The following SKI variants were observed in gnomAD, a reference collection of about 807,000 sequenced individuals.
The protein encoded by SKI is ski oncogene.
Under a neutral mutation model 59.3 loss-of-function variants are expected in SKI, and 23 were observed. The ratio of observed to expected loss-of-function variants is 0.39; its 90% CI spans 0.28 to 0.55. The LOEUF is 0.55. Among genes scored for constraint, SKI ranks in the 20% least tolerant of loss-of-function variants. The pLI is 0.67. For missense variants in SKI, 1,017 were observed against 1,038.9 expected (o/e 0.98, Z 0.29); for synonymous variants, 673 against 488.6 (o/e 1.38, Z -4.98).
At chr1:2,290,820 T>C (rs1282526566) in intron 1 of SKI, among the ~76,000 whole-genome samples, 4 of 152,208 alleles carry the variant, frequency 2.6e-5, no homozygotes, top group Non-Finnish European at 4.4e-5. Flanking sequence ...CTGCCGCTCT[T>C]ACGAAACACT....
At position 2,267,157 on chromosome 1, in the gene SKI, G is replaced by A. The variant is rs1434725872; in HGVS notation, c.970-35821G>A. 6.6e-6 allele frequency among the ~76,000 whole-genome samples: 1 copy of A among 152,130 alleles called. No homozygotes were observed. The highest frequency in any genetic ancestry group is 1.5e-5 in the Non-Finnish European group (1 of 68,024). ...GTGCCATGATTTTGACTATTCAGGC[G>A]AGCAACTGCATCGAGCCAGCACTGA... is the stretch of plus-strand genomic sequence containing the variant. On this transcript the variant is annotated intron_variant, in intron 1 of 6. Coordinates refer to ENST00000378536, the MANE Select transcript of SKI (RefSeq NM_003036.4). The surrounding 1 kb of genome is among the most constrained non-coding windows in gnomAD (Gnocchi z 4.1).
At chr1:2,286,399 G>A (rs116675756) in intron 1 of SKI, among the ~76,000 whole-genome samples, 235 of 152,220 alleles carry the variant, frequency 1.5e-3, no homozygotes, top group African/African-American at 5.5e-3. Flanking sequence ...AGGCTGAGAG[G>A]GGAGGATCAC....
chr1:2,289,416 T>G (rs952606891), intron 1 of SKI, among the ~76,000 whole-genome samples: 1 of 151,260 alleles, frequency 6.6e-6, no homozygotes, highest in African/African-American at 2.4e-5. Context: ...GTGAGGCCCC[T>G]CCTCTAAGAT....
intron 1 of SKI, among the ~76,000 whole-genome samples, chr1:2,288,885 G>C (rs766969173): frequency 8.4e-4 from 128 of 152,196 alleles, no homozygotes; most frequent in Non-Finnish European, 1.3e-3. Flanking sequence ...CCACGTGTGT[G>C]AGGCCTGCAG....
chr1:2,240,174 AC>A (rs1191694396), intron 1 of SKI, among the ~76,000 whole-genome samples: 1 of 152,166 alleles, frequency 6.6e-6, no homozygotes, highest in Non-Finnish European at 1.5e-5. Context: ...GGTGGCCCCC[AC>A]CACAGAGGCT....
At chr1:2,295,621 C>CTG (rs750592673) in intron 1 of SKI, among the ~76,000 whole-genome samples, 8 of 151,314 alleles carry the variant, frequency 5.3e-5, no homozygotes, top group Non-Finnish European at 1.0e-4. Flanking sequence ...AGCCACGTGA[C>CTG]TGTGTGTGTG....
intron 1 of SKI, among the ~76,000 whole-genome samples, chr1:2,266,731 C>A (rs1244770728): frequency 6.6e-6 from 1 of 152,140 alleles, no homozygotes; most frequent in African/African-American, 2.4e-5. Flanking sequence ...CATCAGCCAC[C>A]CCGTTCATCC....
intron 1 of SKI, among the ~76,000 whole-genome samples, chr1:2,284,722 G>T (rs1298039402): frequency 6.6e-6 from 1 of 152,194 alleles, no homozygotes; most frequent in Non-Finnish European, 1.5e-5. Context: ...GGGTGGCTGG[G>T]AGGGCTCCAG....
At position 2,237,323 on chromosome 1, in the gene SKI, A is replaced by T. The variant is rs1442586191; in HGVS notation, c.969+7588A>T. Among the ~76,000 whole-genome samples, 3 of 152,164 alleles carry T rather than the reference A, an allele frequency of 2.0e-5. 1 individual carries two copies. ...GCCCTGTGTGTATCTGGAGTGGCTTAGGTGCTCCCTGCGGTGCTCCTGGCT... is the reference window on the plus strand; with the variant it reads ...GCCCTGTGTGTATCTGGAGTGGCTTTGGTGCTCCCTGCGGTGCTCCTGGCT... On this transcript the variant is annotated intron_variant, in intron 1 of 6. Coordinates refer to ENST00000378536, the MANE Select transcript of SKI (RefSeq NM_003036.4).
At position 2,269,759 on chromosome 1, in the gene SKI, A is replaced by G. The variant is rs972679546; in HGVS notation, c.970-33219A>G. Among the ~76,000 whole-genome samples the G allele has an allele frequency of 2.0e-5, 3 of 149,488 alleles. No individual in the cohort carries two copies. In the East Asian group the frequency reaches 6.0e-4, roughly 30 times the overall value. The stretch of plus-strand genomic sequence containing the variant: ...GCAGGAGGCTGCTTCAGGGCTCTGG[A>G]CCAGAGCAGTGTGTGGCTGGTGGTA... On this transcript the variant is annotated intron_variant, in intron 1 of 6. Coordinates refer to ENST00000378536, the MANE Select transcript of SKI (RefSeq NM_003036.4). The surrounding 1 kb of genome is among the most constrained non-coding windows in gnomAD (Gnocchi z 4.7).
chr1:2,304,531 G>T lies in SKI; in HGVS notation c.1713G>T (p.Val571=). The change falls in exon 5 of 7, where the codon GTG becomes GTT. Residue 571 remains valine (V), a synonymous_variant. Transcript: ENST00000378536. ...KFLHEVVKMR[V]KQEEKLSAAL... Reference sequence around the variant, plus strand: ...TGCATGAGGTGGTCAAGATGCGCGTGAAGCAGGAGGAGAAGCTCAGCGCAG... The same window carrying T: ...TGCATGAGGTGGTCAAGATGCGCGTTAAGCAGGAGGAGAAGCTCAGCGCAG... The T allele has an allele frequency of 6.3e-7, 1 of 1,580,186 alleles. No homozygotes were observed. The highest frequency in any genetic ancestry group is 8.6e-7 in the Non-Finnish European group (1 of 1,164,454).
chr1:2,269,194 G>T lies in SKI; in HGVS notation c.970-33784G>T, dbSNP rs1188159682. ...ACTCCTGGGCTCAAGCGATCCTCCT[G>T]CTTCAGCCTCCCAAAGTGTTGGGAT... On this transcript the variant is annotated intron_variant, in intron 1 of 6. Coordinates refer to ENST00000378536, the MANE Select transcript of SKI (RefSeq NM_003036.4). This position sits in a 1 kb window ranked among gnomAD's most constrained non-coding sequence, Gnocchi z 4.7. Among the ~76,000 whole-genome samples, 4 of 152,194 alleles carry T rather than the reference G, an allele frequency of 2.6e-5. No homozygotes were observed. The East Asian group carries it at 7.7e-4, about 29-fold the overall frequency.
At chr1:2,291,410 A>G (rs970574507) in intron 1 of SKI, among the ~76,000 whole-genome samples, 1 of 152,004 alleles carries the variant, frequency 6.6e-6, no homozygotes, top group African/African-American at 2.4e-5. Context: ...GGGGAGGGTG[A>G]GAAGAGTGGG....
intron 1 of SKI, among the ~76,000 whole-genome samples, chr1:2,243,068 C>G (rs1422852143): frequency 1.3e-5 from 2 of 152,264 alleles, no homozygotes; most frequent in Non-Finnish European, 2.9e-5. Flanking sequence ...TCCCCACCTG[C>G]CCTGCTCTGC....
In SKI at chr1:2,303,385, C is replaced by T. The variant is rs141862996; in HGVS notation, c.1196C>T (p.Ala399Val). 3.0e-4 allele frequency: 477 copies of T among 1,613,072 alleles called. 4 individuals are homozygous for T. In the African/African-American group the frequency reaches 4.8e-3, roughly 16 times the overall value. ...SEKELSPHLP[A>V]LIRDSFYSYK... ...AAAGAGCTCTCCCCACACCTCCCGG[C>T]CCTCATCCGAGACAGGTGAGTGGGC... Residue 399 changes from alanine to valine, a missense_variant, in exon 3 of 7, where the codon GCC becomes GTC. By Grantham distance (64) the Ala-to-Val change is moderately conservative. Coordinates refer to ENST00000378536, the MANE Select transcript of SKI (RefSeq NM_003036.4). This position sits in a 1 kb window ranked among gnomAD's most constrained non-coding sequence, Gnocchi z 5.6.
intron 1 of SKI, among the ~76,000 whole-genome samples, chr1:2,301,490 T>C (rs1270507681): frequency 6.6e-6 from 1 of 151,674 alleles, no homozygotes; most frequent in Non-Finnish European, 1.5e-5. Context: ...CCACCCTGCT[T>C]GTTCCCTGAG....
At chr1:2,271,287 C>T (rs926974772) in intron 1 of SKI, among the ~76,000 whole-genome samples, 1 of 152,140 alleles carries the variant, frequency 6.6e-6, no homozygotes, top group Non-Finnish European at 1.5e-5. Context: ...CTGTCCTCCC[C>T]TCAGAAGAGT....
chr1:2,288,334 C>A (rs1174412373), intron 1 of SKI, among the ~76,000 whole-genome samples: 1 of 152,226 alleles, frequency 6.6e-6, no homozygotes, highest in African/African-American at 2.4e-5. Flanking sequence ...ATGGGCCAGG[C>A]TGGTCTCTAA....
intron 1 of SKI, among the ~76,000 whole-genome samples, chr1:2,237,597 TG>T (rs1638778940): frequency 6.6e-6 from 1 of 152,232 alleles, no homozygotes; most frequent in Non-Finnish European, 1.5e-5. Flanking sequence ...GGAGGCTGAC[TG>T]GGGGCACAGT....
Sources: gnomAD v4.1 joint callset for allele counts (sites outside exome capture counted in the v4.1 genomes callset) on GRCh38, gnomAD v4.1.1 for gene constraint, Gnocchi (gnomAD v3.1) non-coding constraint, MANE v1.5 for transcripts, NCBI Gene and HGNC (gene_info 2026-07-23, HGNC 2026-07-21) for gene names.